The following KHDRBS2 variants were observed in gnomAD, a reference collection of about 807,000 sequenced individuals.
KHDRBS2 encodes KH domain-containing, RNA-binding, signal transduction-associated protein 2.
A neutral mutation model predicts 44.3 loss-of-function variants in KHDRBS2; 26 were observed. That is an observed-to-expected ratio of 0.59 (90% CI 0.43 to 0.81). The LOEUF (loss-of-function observed/expected upper bound fraction) is 0.81. Among genes scored for constraint, KHDRBS2 ranks in the 40% least tolerant of loss-of-function variants. KHDRBS2 has a pLI of 0.00. For synonymous variants in KHDRBS2, 194 were observed against 151.1 expected, an observed-to-expected ratio of 1.28 and a Z score of -2.08; for missense variants, 476 against 433.1, an observed-to-expected ratio of 1.10 and a Z score of -0.88.
intron 2 of KHDRBS2, among the ~76,000 whole-genome samples, chr6:62,168,205 A>T (rs749357261): frequency 3.9e-4 from 60 of 152,182 alleles, no homozygotes; most frequent in Non-Finnish European, 6.9e-4. Flanking sequence ...ATTTGATCTT[A>T]AAAAAGGCCA....
intron 2 of KHDRBS2, among the ~76,000 whole-genome samples, chr6:62,083,781 A>G (rs1797880455): frequency 6.6e-6 from 1 of 152,184 alleles, no homozygotes; most frequent in African/African-American, 2.4e-5. Flanking sequence ...AGTATCCTGA[A>G]AAATGCAGCT....
the KHDRBS2 span, among the ~76,000 whole-genome samples, chr6:61,584,405 T>C: frequency 6.6e-6 from 1 of 151,886 alleles, no homozygotes; most frequent in Non-Finnish European, 1.5e-5. Flanking sequence ...GTGGAGTTTT[T>C]AATATAAATG....
chr6:61,550,764 A>ATTTTTTTT, the KHDRBS2 span, among the ~76,000 whole-genome samples: 1 of 56,226 alleles, frequency 1.8e-5, no homozygotes, highest in African/African-American at 1.0e-4. Context: ...TTGAGATGGT[A>ATTTTTTTT]TCTTTTTTTT....
intron 6 of KHDRBS2, among the ~76,000 whole-genome samples, chr6:61,885,833 A>G (rs774830882): frequency 1.3e-5 from 2 of 151,912 alleles, no homozygotes; most frequent in Non-Finnish European, 2.9e-5. Flanking sequence ...TTTAGCATCA[A>G]AGTCACTCCT....
intron 3 of KHDRBS2, among the ~76,000 whole-genome samples, chr6:61,998,984 A>G (rs1777732097): frequency 2.6e-5 from 4 of 152,038 alleles, no homozygotes; most frequent in African/African-American, 7.2e-5. Context: ...ATATTTCTAA[A>G]ATTTGTGTTT....
chr6:62,113,717 A>C (rs1405284418), intron 2 of KHDRBS2, among the ~76,000 whole-genome samples: 1 of 152,160 alleles, frequency 6.6e-6, no homozygotes, highest in Non-Finnish European at 1.5e-5. Context: ...GAGGAAAATT[A>C]ACTGACAAAT....
chr6:62,181,863 C>CT (rs1287956537), intron 1 of KHDRBS2, among the ~76,000 whole-genome samples: 1 of 151,938 alleles, frequency 6.6e-6, no homozygotes, highest in Non-Finnish European at 1.5e-5. Context: ...GGGAACACAG[C>CT]TAGAAGGTAA....
chr6:62,077,136 A>G lies in KHDRBS2; in HGVS notation c.220-29142T>C, dbSNP rs200295044. On this transcript the variant is annotated intron_variant, in intron 2 of 8. Transcript: ENST00000281156. ...TGTTGAATTTATCATTGCAGAATACATTTTTTATTTTGAAGAAAAATGCTG... is the reference window on the plus strand; with the variant it reads ...TGTTGAATTTATCATTGCAGAATACGTTTTTTATTTTGAAGAAAAATGCTG... Among the ~76,000 whole-genome samples the G allele has an allele frequency of 7.6e-4, 115 of 152,178 alleles. 1 individual carries two copies. The East Asian group carries it at 0.015, about 20-fold the overall frequency.
chr6:61,954,695 TAC>T (rs1375618270), intron 4 of KHDRBS2, among the ~76,000 whole-genome samples: 5,166 of 114,240 alleles, frequency 0.045, 1,010 homozygotes, highest in East Asian at 0.071. Context: ...TATGTATACA[TAC>T]ATATGTGTAT....
chr6:62,028,145 G>A (rs974269325), intron 3 of KHDRBS2, among the ~76,000 whole-genome samples: 7 of 152,114 alleles, frequency 4.6e-5, no homozygotes, highest in African/African-American at 1.2e-4. Context: ...TCCTGCCAGT[G>A]TCAGAGAATC....
chr6:61,675,557 T>C (rs1765883062), downstream of KHDRBS2, among the ~76,000 whole-genome samples: 1 of 151,890 alleles, frequency 6.6e-6, no homozygotes, highest in African/African-American at 2.4e-5. Flanking sequence ...GTGAAAATTA[T>C]CTAAATATAC....
intron 6 of KHDRBS2, among the ~76,000 whole-genome samples, chr6:61,835,037 T>C (rs1380410981): frequency 6.6e-6 from 1 of 152,088 alleles, no homozygotes; most frequent in Non-Finnish European, 1.5e-5. Context: ...TGGATATTTT[T>C]CTGCCAGAAT....
intron 2 of KHDRBS2, among the ~76,000 whole-genome samples, chr6:62,068,345 A>G (rs1794226994): frequency 6.6e-6 from 1 of 151,462 alleles, no homozygotes; most frequent in African/African-American, 2.4e-5. Flanking sequence ...TATGCAGATT[A>G]TATATCCAGT....
intron 8 of KHDRBS2, among the ~76,000 whole-genome samples, chr6:61,687,665 T>G (rs926847688): frequency 1.3e-5 from 2 of 151,878 alleles, no homozygotes; most frequent in African/African-American, 4.8e-5. Flanking sequence ...GTGCTTAATA[T>G]CTCCAATTTA....
chr6:61,725,843 A>G (rs1377847201), intron 7 of KHDRBS2, among the ~76,000 whole-genome samples: 1 of 152,188 alleles, frequency 6.6e-6, no homozygotes, highest in Admixed American at 6.6e-5. Context: ...AGAATCTCAG[A>G]TAGATTCACA....
rs186720806 is a variant in KHDRBS2, at chr6:62,257,394, G to A, written c.91+28464C>T. 4.6e-5 allele frequency among the ~76,000 whole-genome samples: 7 copies of A among 152,038 alleles called. No homozygotes were observed. In the East Asian group the frequency reaches 1.4e-3, roughly 30 times the overall value. On this transcript the variant is annotated intron_variant, in intron 1 of 8. Transcript: ENST00000281156. ...TATAAGGTTGCATATTATCTGTTTG[G>A]CTCTATTAAAACTATCAAACTCAAA...
At chr6:61,547,732 C>T in the KHDRBS2 span, among the ~76,000 whole-genome samples, 2 of 152,140 alleles carry the variant, frequency 1.3e-5, no homozygotes, top group African/African-American at 2.4e-5. Flanking sequence ...TTCTTAAAAT[C>T]TTCTCAAATA....
intron 7 of KHDRBS2, among the ~76,000 whole-genome samples, chr6:61,702,822 T>C (rs1370477287): frequency 1.3e-5 from 2 of 151,958 alleles, no homozygotes; most frequent in African/African-American, 4.8e-5. Flanking sequence ...CGTATTAATC[T>C]ATTTCATTAT....
chr6:62,277,628 C>T (rs1841164296), intron 1 of KHDRBS2, among the ~76,000 whole-genome samples: 1 of 152,212 alleles, frequency 6.6e-6, no homozygotes, highest in Non-Finnish European at 1.5e-5. Flanking sequence ...AAGCGTGAGC[C>T]ACTGTGCCCG....
Sources: gnomAD v4.1 joint callset for allele counts (sites outside exome capture counted in the v4.1 genomes callset) on GRCh38, gnomAD v4.1.1 for gene constraint, MANE v1.5 for transcripts, NCBI Gene and HGNC (gene_info 2026-07-23, HGNC 2026-07-21) for gene names.